ITGB5: variants seen among roughly 807,000 people sequenced by gnomAD.
ITGB5 encodes integrin beta-5.
A neutral mutation model predicts 84.8 loss-of-function variants in ITGB5; 38 were observed. That is an observed-to-expected ratio of 0.45 (90% CI 0.35 to 0.59). The LOEUF (loss-of-function observed/expected upper bound fraction) is 0.59. ITGB5 is among the 20% of genes least tolerant of loss of function. The pLI is 0.01. For synonymous variants in ITGB5, 393 were observed against 414.4 expected, an observed-to-expected ratio of 0.95 and a Z score of 0.63; for missense variants, 905 against 1,034.5, an observed-to-expected ratio of 0.87 and a Z score of 1.72.
intron 9 of ITGB5, among the ~76,000 whole-genome samples, chr3:124,799,634 G>A (rs2064286403): frequency 6.6e-6 from 1 of 152,218 alleles, no homozygotes; most frequent in Non-Finnish European, 1.5e-5. Context: ...CAGGCACTGT[G>A]CTGGACTTTT....
At chr3:124,865,484 T>TC (rs2065374365) in intron 2 of ITGB5, among the ~76,000 whole-genome samples, 1 of 132,200 alleles carries the variant, frequency 7.6e-6, no homozygotes, top group Non-Finnish European at 1.6e-5. Flanking sequence ...CTTTTTTCTT[T>TC]TTTTTTTTTT....
chr3:124,784,363 G>A (rs144529212), intron 10 of ITGB5, among the ~76,000 whole-genome samples: 7,346 of 152,214 alleles, frequency 0.048, 258 homozygotes, highest in South Asian at 0.089. Context: ...AAATTAGCCA[G>A]GCATGGTGGC....
intron 2 of ITGB5, among the ~76,000 whole-genome samples, chr3:124,872,463 T>C (rs1037437649): frequency 6.6e-6 from 1 of 152,138 alleles, no homozygotes; most frequent in African/African-American, 2.4e-5. Flanking sequence ...CACATGATCA[T>C]TTTTAGCCAT....
intron 3 of ITGB5, among the ~76,000 whole-genome samples, chr3:124,851,635 A>G (rs2065157015): frequency 6.6e-6 from 1 of 151,732 alleles, no homozygotes; most frequent in South Asian, 2.1e-4. Flanking sequence ...ACACACACAC[A>G]CACACACGCA....
chr3:124,876,565 A>T (rs1934327548), intron 1 of ITGB5, among the ~76,000 whole-genome samples: 1 of 152,240 alleles, frequency 6.6e-6, no homozygotes, highest in African/African-American at 2.4e-5. Flanking sequence ...GAAGGAAGAA[A>T]TACCAATTGG....
intron 9 of ITGB5, among the ~76,000 whole-genome samples, chr3:124,805,754 CTT>C (rs202067672): frequency 6.8e-6 from 1 of 146,866 alleles, no homozygotes; most frequent in African/African-American, 2.5e-5. Context: ...GCCTGGCGGA[CTT>C]TTTTTTTTTA....
chr3:124,831,214 C>T (rs1369771388), intron 5 of ITGB5, among the ~76,000 whole-genome samples: 3 of 152,154 alleles, frequency 2.0e-5, no homozygotes, highest in African/African-American at 4.8e-5. Context: ...TCTGCTCTCT[C>T]GCTGTCAATG....
At chr3:124,765,307 G>A (rs2063750816) in intron 13 of ITGB5, among the ~76,000 whole-genome samples, 1 of 148,928 alleles carries the variant, frequency 6.7e-6, no homozygotes, top group Non-Finnish European at 1.5e-5. Flanking sequence ...CAGAATGTTG[G>A]TATTTGGATT....
rs552552243 is a variant in ITGB5, at chr3:124,807,941, CAAAAAAAAAAAAAAAAAAAAAAAAA to C, written c.1263+1056_1263+1080del. Among the ~76,000 whole-genome samples, 67 of 26,806 alleles carry C rather than the reference CAAAAAAAAAAAAAAAAAAAAAAAAA, an allele frequency of 2.5e-3. 2 individuals are homozygous for C. Among genetic ancestry groups the C allele is most frequent in the South Asian group, 0.012 (5 of 406 alleles). The allele number at this position is 26,806 out of a possible 152,430, so 17.6% of individuals were successfully genotyped here. Reference sequence around the variant, plus strand: ...TGGGCGACAGAGCGAGACTTCATCTCAAAAAAAAAAAAAAAAAAAAAAAAAAAAAAAAAAAAAAAGAGGTATGTCT... The same window carrying C: ...TGGGCGACAGAGCGAGACTTCATCTCAAAAAAAAAAAAAAGAGGTATGTCT... On this transcript the variant is annotated intron_variant, in intron 9 of 14. Coordinates refer to ENST00000296181, the MANE Select transcript of ITGB5 (RefSeq NM_002213.5).
At chr3:124,803,474 T>A (rs2064347112) in intron 9 of ITGB5, among the ~76,000 whole-genome samples, 1 of 152,204 alleles carries the variant, frequency 6.6e-6, no homozygotes, top group African/African-American at 2.4e-5. Flanking sequence ...AAGGGGCACG[T>A]TGGACACGGC....
chr3:124,800,689 G>A (rs2107524300), intron 9 of ITGB5, among the ~76,000 whole-genome samples: 1 of 151,868 alleles, frequency 6.6e-6, no homozygotes, highest in Admixed American at 6.6e-5. Context: ...GCTATAAAAA[G>A]CACTTCAGGA....
chr3:124,765,561 A>C (rs186376997), intron 13 of ITGB5, among the ~76,000 whole-genome samples: 1 of 152,178 alleles, frequency 6.6e-6, no homozygotes, highest in Non-Finnish European at 1.5e-5. Context: ...CAGGGTAGGT[A>C]TGTTCTGTGG....
In ITGB5 at chr3:124,874,509, T is replaced by C. The variant is rs1579328428; in HGVS notation, c.71-978A>G. Among the ~76,000 whole-genome samples, 3 of 152,156 alleles carry C rather than the reference T, an allele frequency of 2.0e-5. No homozygotes were observed. In the East Asian group the frequency reaches 5.8e-4, roughly 29 times the overall value. ...AGAAAAAACAATCCTAAAATTTTTA[T>C]AAAACCACAAAAGTTTGTATGAAAC... On this transcript the variant is annotated intron_variant, in intron 1 of 14. Coordinates refer to ENST00000296181, the MANE Select transcript of ITGB5 (RefSeq NM_002213.5).
chr3:124,795,432 T>C (rs1202836693), intron 10 of ITGB5, among the ~76,000 whole-genome samples: 1 of 150,730 alleles, frequency 6.6e-6, no homozygotes, highest in Non-Finnish European at 1.5e-5. Flanking sequence ...GAGGTTGCAG[T>C]GAGTCGAGAT....
At chr3:124,864,028 G>GA (rs1436914842) in intron 2 of ITGB5, among the ~76,000 whole-genome samples, 5 of 91,110 alleles carry the variant, frequency 5.5e-5, no homozygotes, top group African/African-American at 7.5e-5. Context: ...AAAGAAGAAA[G>GA]AAAGAAAGAA....
intron 9 of ITGB5, among the ~76,000 whole-genome samples, chr3:124,806,050 C>T (rs2064396764): frequency 6.6e-6 from 1 of 152,192 alleles, no homozygotes; most frequent in South Asian, 2.1e-4. Context: ...AGACAAGAGA[C>T]ATTGGAACCT....
chr3:124,882,354 CG>C (rs1319892565), intron 1 of ITGB5, among the ~76,000 whole-genome samples: 1 of 152,118 alleles, frequency 6.6e-6, no homozygotes, highest in African/African-American at 2.4e-5. Flanking sequence ...AAAAAGAACT[CG>C]GGATATAGGG....
At chr3:124,812,372 T>C (rs1250210489) in intron 8 of ITGB5, among the ~76,000 whole-genome samples, 1 of 152,200 alleles carries the variant, frequency 6.6e-6, no homozygotes, top group Non-Finnish European at 1.5e-5. Flanking sequence ...ACATCTGCAA[T>C]TGCTTTAAGT....
chr3:124,833,637 G>A (rs1471793021), intron 5 of ITGB5, among the ~76,000 whole-genome samples: 1 of 152,184 alleles, frequency 6.6e-6, no homozygotes, highest in East Asian at 1.9e-4. Context: ...CAGCCTGGTG[G>A]ATGGGAGGGT....
Sources: gnomAD v4.1 joint callset for allele counts (sites outside exome capture counted in the v4.1 genomes callset) on GRCh38, gnomAD v4.1.1 for gene constraint, MANE v1.5 for transcripts, NCBI Gene and HGNC (gene_info 2026-07-23, HGNC 2026-07-21) for gene names.